Variants in CCDC178 observed in about 807,000 individuals in gnomAD.
The protein encoded by CCDC178 is coiled-coil domain-containing protein 178.
In CCDC178, 126 loss-of-function variants were observed where a neutral mutation model predicts 117.4. The ratio of observed to expected loss-of-function variants is 1.07; its 90% CI spans 0.93 to 1.24. CCDC178 has a LOEUF of 1.24. Ranked by LOEUF, CCDC178 falls within the 50% of genes most tolerant of loss-of-function variation. CCDC178 has a pLI of 0.00. For synonymous variants in CCDC178, 283 were observed against 313.4 expected (o/e 0.90, Z 1.02); for missense variants, 1,030 against 986.9 (o/e 1.04, Z -0.59).
rs556939683 is a variant in CCDC178, at chr18:33,124,616, ATTGT to A, written c.2239-31710_2239-31707del. On this transcript the variant is annotated intron_variant, in intron 20 of 22. Coordinates refer to ENST00000383096, the MANE Select transcript of CCDC178 (RefSeq NM_001105528.4). ...TTAATCTCTACTTTCAGATATATAA[ATTGT>A]TTGTATCTTCTTTCTCTTTCAAAAC... Among the ~76,000 whole-genome samples the A allele has an allele frequency of 3.4e-3, 517 of 152,274 alleles. 2 individuals carry two copies. Among genetic ancestry groups the A allele is most frequent in the Non-Finnish European group, 4.2e-3 (288 of 68,020 alleles).
At chr18:33,040,657 T>C (rs1211384723) in intron 21 of CCDC178, among the ~76,000 whole-genome samples, 1 of 151,960 alleles carries the variant, frequency 6.6e-6, no homozygotes, top group Non-Finnish European at 1.5e-5. Context: ...ATCAGTAAAC[T>C]TCTCAATATT....
At chr18:33,212,382 G>A (rs1384809395) in intron 19 of CCDC178, among the ~76,000 whole-genome samples, 1 of 151,900 alleles carries the variant, frequency 6.6e-6, no homozygotes, top group Admixed American at 6.6e-5. Context: ...ATTGTCCAGG[G>A]GCGAGAAGCT....
rs187445390 is a variant in CCDC178 at position 33,147,675 on chromosome 18, C to T, written c.2239-54765G>A. 5.9e-3 allele frequency among the ~76,000 whole-genome samples: 904 copies of T among 152,080 alleles called. 5 individuals are homozygous for T. Among genetic ancestry groups the T allele is most frequent in the African/African-American group, 0.02 (821 of 41,466 alleles). ...GACACAGCACATGTTTCAGAGAGCACGGGGTTTGGGGCAAGGTTATAGATT... is the reference window on the plus strand; with the variant it reads ...GACACAGCACATGTTTCAGAGAGCATGGGGTTTGGGGCAAGGTTATAGATT... On this transcript the variant is annotated intron_variant, in intron 20 of 22. Coordinates refer to ENST00000383096, the MANE Select transcript of CCDC178 (RefSeq NM_001105528.4).
intron 14 of CCDC178, among the ~76,000 whole-genome samples, chr18:33,260,496 T>C (rs2059730846): frequency 6.6e-6 from 1 of 151,214 alleles, no homozygotes; most frequent in South Asian, 2.1e-4. Context: ...CTTATTTTTC[T>C]TCACCAATTT....
chr18:33,202,668 CTGCAACTAG>C (rs2144560770), intron 20 of CCDC178, among the ~76,000 whole-genome samples: 1 of 152,262 alleles, frequency 6.6e-6, no homozygotes, highest in South Asian at 2.1e-4. Flanking sequence ...TGACTTTTAT[CTGCAACTAG>C]TGCCTACATT....
chr18:33,431,429 T>G (rs1044945227), intron 2 of CCDC178, among the ~76,000 whole-genome samples: 1 of 152,148 alleles, frequency 6.6e-6, no homozygotes, highest in Non-Finnish European at 1.5e-5. Flanking sequence ...ATACTGGCTA[T>G]TCACATCTGG....
At chr18:33,411,265 G>T (rs1599287202) in intron 3 of CCDC178, among the ~76,000 whole-genome samples, 1 of 152,176 alleles carries the variant, frequency 6.6e-6, no homozygotes, top group East Asian at 1.9e-4. Flanking sequence ...CTATACCAGG[G>T]TTGGCAAATG....
At chr18:33,233,434 T>C (rs1227158316) in intron 15 of CCDC178, among the ~76,000 whole-genome samples, 2 of 152,094 alleles carry the variant, frequency 1.3e-5, no homozygotes, top group Admixed American at 6.6e-5. Context: ...AAAATGTATA[T>C]AAAGTAATAT....
At chr18:33,223,474 A>C (rs939067348) in intron 17 of CCDC178, among the ~76,000 whole-genome samples, 1 of 152,178 alleles carries the variant, frequency 6.6e-6, no homozygotes, top group Non-Finnish European at 1.5e-5. Flanking sequence ...TTACATAGAA[A>C]GTATGAATAT....
intron 9 of CCDC178, among the ~76,000 whole-genome samples, chr18:33,344,167 G>A (rs901740240): frequency 6.6e-6 from 1 of 150,786 alleles, no homozygotes; most frequent in Non-Finnish European, 1.5e-5. Context: ...AGCCGGGCGC[G>A]GTGGCGGGCG....
chr18:32,958,152 G>A (rs779767920), intron 22 of CCDC178: 13 of 533,314 alleles, frequency 2.4e-5, no homozygotes, highest in Non-Finnish European at 3.8e-5. Context: ...CAGACATTAC[G>A]TTTGAAGTGG....
At chr18:33,147,141 CTTTTTT>C (rs963180337) in intron 20 of CCDC178, among the ~76,000 whole-genome samples, 53 of 117,392 alleles carry the variant, frequency 4.5e-4, no homozygotes, top group East Asian at 7.8e-4. Context: ...TAGCTGATTT[CTTTTTT>C]TTTTTTTTTT....
At chr18:33,190,116 G>GC (rs923374393) in intron 20 of CCDC178, among the ~76,000 whole-genome samples, 1 of 152,120 alleles carries the variant, frequency 6.6e-6, no homozygotes, top group African/African-American at 2.4e-5. Flanking sequence ...CTCTCCATGA[G>GC]CCCCCGCTTC....
intron 20 of CCDC178, among the ~76,000 whole-genome samples, chr18:33,130,535 A>G (rs1293053486): frequency 6.6e-6 from 1 of 151,986 alleles, no homozygotes; most frequent in African/African-American, 2.4e-5. Flanking sequence ...CAGCTAGCAT[A>G]TGATAAACTC....
chr18:33,010,753 T>C (rs925691942), intron 21 of CCDC178, among the ~76,000 whole-genome samples: 1 of 152,176 alleles, frequency 6.6e-6, no homozygotes, highest in African/African-American at 2.4e-5. Context: ...GGTATGCATA[T>C]TTTTTTCTTT....
chr18:33,246,409 AG>A (rs2059548883), intron 14 of CCDC178, among the ~76,000 whole-genome samples: 1 of 151,762 alleles, frequency 6.6e-6, no homozygotes, highest in African/African-American at 2.4e-5. Flanking sequence ...ACTGCTCAAG[AG>A]GTTGGGGTGA....
chr18:33,211,751 A>C (rs1241496471), intron 20 of CCDC178, 145 bp downstream of exon 20: 1 of 608,020 alleles, frequency 1.6e-6, no homozygotes, highest in Non-Finnish European at 2.7e-6. Flanking sequence ...AAACAATGAA[A>C]ACTTCCAGGT....
rs117308814 is a variant in CCDC178 at position 33,107,666 on chromosome 18, T to C, written c.2239-14756A>G. 9.9e-3 allele frequency among the ~76,000 whole-genome samples: 1,503 copies of C among 151,810 alleles called. 19 individuals are homozygous for C. The highest frequency in any genetic ancestry group is 0.031 in the Middle Eastern group (9 of 294). On this transcript the variant is annotated intron_variant, in intron 20 of 22. Coordinates refer to ENST00000383096, the MANE Select transcript of CCDC178 (RefSeq NM_001105528.4). ...CCAGTTTTTCTTTTTCTTTTCTTAG[T>C]TATTTTTCAACACCATTTTAAATGG...
At chr18:32,965,255 T>C (rs900174098) in intron 22 of CCDC178, among the ~76,000 whole-genome samples, 3 of 151,984 alleles carry the variant, frequency 2.0e-5, no homozygotes, top group African/African-American at 7.2e-5. Flanking sequence ...TCTAGACCTA[T>C]TTCTGCAGAT....
Sources: allele counts gnomAD v4.1 joint callset (sites outside exome capture counted in the v4.1 genomes callset), GRCh38; gene constraint gnomAD v4.1.1; transcripts MANE v1.5; gene names NCBI Gene and HGNC (gene_info 2026-07-23, HGNC 2026-07-21).